HCN1: variants seen among roughly 807,000 people sequenced by gnomAD.
HCN1 encodes the protein potassium/sodium hyperpolarization-activated cyclic nucleotide-gated channel 1.
In HCN1, 13 loss-of-function variants were observed where a neutral mutation model predicts 78.9. That is an observed-to-expected ratio of 0.16 (90% CI 0.11 to 0.26). The LOEUF is 0.26. Among genes scored for constraint, HCN1 ranks in the 10% least tolerant of loss-of-function variants. HCN1 has a pLI of 1.00. For synonymous variants in HCN1, 552 were observed against 455.5 expected, an observed-to-expected ratio of 1.21 and a Z score of -2.70; for missense variants, 810 against 1,154.3, an observed-to-expected ratio of 0.70 and a Z score of 4.32.
intron 2 of HCN1, among the ~76,000 whole-genome samples, chr5:45,518,496 A>T: frequency 6.6e-6 from 1 of 151,992 alleles, no homozygotes; most frequent in East Asian, 1.9e-4. Context: ...TGAGTAAGAT[A>T]AGCAGAAATT....
intron 6 of HCN1, among the ~76,000 whole-genome samples, chr5:45,297,816 C>T (rs1380858974): frequency 6.6e-6 from 1 of 151,876 alleles, no homozygotes; most frequent in Non-Finnish European, 1.5e-5. Context: ...TAAAATCAAT[C>T]AAAACAATTC....
chr5:45,496,566 T>C (rs2111717289), intron 2 of HCN1, among the ~76,000 whole-genome samples: 1 of 152,320 alleles, frequency 6.6e-6, no homozygotes, highest in East Asian at 1.9e-4. Context: ...TTTACCATTT[T>C]TTATTGCGTC....
chr5:45,644,883 C>A (rs989521942), intron 2 of HCN1: 36 of 404,466 alleles, frequency 8.9e-5, no homozygotes, highest in Non-Finnish European at 1.3e-4. Flanking sequence ...TTAAAAAAAA[C>A]CAAGGTGGGA....
chr5:45,267,825 G>C (rs940972574), intron 6 of HCN1, among the ~76,000 whole-genome samples: 4 of 151,994 alleles, frequency 2.6e-5, no homozygotes, highest in African/African-American at 9.7e-5. Context: ...TAAATGCAAG[G>C]CTGAAACACA....
intron 2 of HCN1, among the ~76,000 whole-genome samples, chr5:45,471,717 T>C (rs1741392744): frequency 6.6e-6 from 1 of 151,950 alleles, no homozygotes; most frequent in African/African-American, 2.4e-5. Context: ...ATTGAAAGTA[T>C]TTATATAACT....
chr5:45,672,395 A>T (rs1184562129), intron 1 of HCN1, among the ~76,000 whole-genome samples: 1 of 151,498 alleles, frequency 6.6e-6, no homozygotes, highest in Non-Finnish European at 1.5e-5. Flanking sequence ...GTGAGCTTGA[A>T]CAGACAGAAG....
At chr5:45,413,545 T>C (rs1740064030) in intron 3 of HCN1, among the ~76,000 whole-genome samples, 1 of 152,072 alleles carries the variant, frequency 6.6e-6, no homozygotes, top group African/African-American at 2.4e-5. Context: ...TATTTTTCCA[T>C]AGTTTGTTAG....
At chr5:45,302,547 T>C (rs2111902914) in intron 6 of HCN1, among the ~76,000 whole-genome samples, 1 of 152,106 alleles carries the variant, frequency 6.6e-6, no homozygotes, top group South Asian at 2.1e-4. Context: ...TGCCTAAGTC[T>C]AAAAATAAGA....
chr5:45,600,794 T>C (rs1487117053), intron 2 of HCN1, among the ~76,000 whole-genome samples: 2 of 152,124 alleles, frequency 1.3e-5, no homozygotes, highest in Non-Finnish European at 2.9e-5. Flanking sequence ...CAGTGACTGT[T>C]ATTGGGGACT....
chr5:45,369,625 A>G (rs765033368), intron 4 of HCN1, among the ~76,000 whole-genome samples: 2 of 152,106 alleles, frequency 1.3e-5, no homozygotes, highest in Non-Finnish European at 2.9e-5. Context: ...CTTCAGTGGT[A>G]AGAAATTTAA....
intron 4 of HCN1, among the ~76,000 whole-genome samples, chr5:45,369,647 T>C (rs1487168056): frequency 6.6e-6 from 1 of 152,086 alleles, no homozygotes; most frequent in African/African-American, 2.4e-5. Flanking sequence ...ACTATAATAT[T>C]AGAATAATAC....
At chr5:45,573,812 G>A (rs1314110205) in intron 2 of HCN1, among the ~76,000 whole-genome samples, 3 of 151,716 alleles carry the variant, frequency 2.0e-5, no homozygotes. Flanking sequence ...AGAGGTTTCT[G>A]AAAAAAAGTA....
chr5:45,547,412 A>T (rs1743251809), intron 2 of HCN1, among the ~76,000 whole-genome samples: 1 of 151,942 alleles, frequency 6.6e-6, no homozygotes. Context: ...TTGACAGAAA[A>T]TACTAGCGGA....
chr5:45,406,295 A>T (rs1228784766), intron 3 of HCN1, among the ~76,000 whole-genome samples: 1 of 152,170 alleles, frequency 6.6e-6, no homozygotes, highest in Non-Finnish European at 1.5e-5. Context: ...ATATGTTTAT[A>T]TATAAGTATT....
At chr5:45,470,299 G>A (rs949588118) in intron 2 of HCN1, among the ~76,000 whole-genome samples, 2 of 151,936 alleles carry the variant, frequency 1.3e-5, no homozygotes, top group Non-Finnish European at 2.9e-5. Context: ...CATGATTTTG[G>A]TATTAAACCA....
Position 45,493,592 on chromosome 5 carries a change from TA to T in HCN1, c.850-31586del, listed in dbSNP as rs1243311694. ...ATTGTGTTTCTTTTTTTTTAGCTTT[TA>T]TTTTTTTTTATTTATTATTATTATA... On this transcript the variant is annotated intron_variant, in intron 2 of 7. Coordinates refer to ENST00000303230, the MANE Select transcript of HCN1 (RefSeq NM_021072.4). Among the ~76,000 whole-genome samples, 18 of 151,898 alleles carry T rather than the reference TA, an allele frequency of 1.2e-4. 1 individual carries two copies. Among genetic ancestry groups the T allele is most frequent in the Admixed American group, 2.6e-4 (4 of 15,258 alleles).
At chr5:45,525,771 T>C (rs79496327) in intron 2 of HCN1, among the ~76,000 whole-genome samples, 5,815 of 152,086 alleles carry the variant, frequency 0.038, 406 homozygotes, top group African/African-American at 0.13. Context: ...TCTGCCTCAG[T>C]GCTCACTATA....
intron 2 of HCN1, among the ~76,000 whole-genome samples, chr5:45,562,243 CATA>C (rs1333186302): frequency 6.6e-6 from 1 of 152,120 alleles, no homozygotes; most frequent in African/African-American, 2.4e-5. Context: ...TTTGTGGTTT[CATA>C]ATGCTTTATG....
At chr5:45,431,009 G>A (rs1740451620) in intron 3 of HCN1, among the ~76,000 whole-genome samples, 1 of 152,024 alleles carries the variant, frequency 6.6e-6, no homozygotes, top group Non-Finnish European at 1.5e-5. Flanking sequence ...TAAGTTCTTT[G>A]AGGAATTGCT....
Sources: allele counts gnomAD v4.1 joint callset (sites outside exome capture counted in the v4.1 genomes callset), GRCh38; gene constraint gnomAD v4.1.1; transcripts MANE v1.5; gene names NCBI Gene and HGNC (gene_info 2026-07-23, HGNC 2026-07-21).